Variants in LARGE1 observed in about 807,000 individuals in gnomAD.
LARGE1 encodes xylosyl- and glucuronyltransferase LARGE1.
Under a neutral mutation model 87.6 loss-of-function variants are expected in LARGE1, and 43 were observed. That is an observed-to-expected ratio of 0.49 (90% confidence interval 0.38 to 0.63). The LOEUF (loss-of-function observed/expected upper bound fraction) is 0.63. LARGE1 is among the 30% of genes least tolerant of loss of function. The pLI is 0.00. For missense variants in LARGE1, 802 were observed against 1,000.2 expected, an observed-to-expected ratio of 0.80 and a Z score of 2.67; for synonymous variants, 434 against 394.6, an observed-to-expected ratio of 1.10 and a Z score of -1.18.
At chr22:33,778,897 C>T (rs62225422) in intron 1 of LARGE1, among the ~76,000 whole-genome samples, 12,242 of 152,148 alleles carry the variant, frequency 0.08, 561 homozygotes, top group Admixed American at 0.11. Context: ...GTGATCCACC[C>T]GCCTTGGCCT....
chr22:33,669,673 G>A (rs1244573703), intron 2 of LARGE1, among the ~76,000 whole-genome samples: 4 of 152,196 alleles, frequency 2.6e-5, no homozygotes, highest in Admixed American at 6.5e-5. Flanking sequence ...CCCTGTGACT[G>A]GAGCTGCGCC....
chr22:33,765,810 C>T (rs1210120528), intron 1 of LARGE1, among the ~76,000 whole-genome samples: 2 of 145,172 alleles, frequency 1.4e-5, no homozygotes, highest in South Asian at 4.5e-4. Flanking sequence ...ATTCAAATAA[C>T]ACTGGGAAAA....
At chr22:33,580,908 T>C (rs1264021062) in intron 5 of LARGE1, among the ~76,000 whole-genome samples, 1 of 152,104 alleles carries the variant, frequency 6.6e-6, no homozygotes, top group Admixed American at 6.5e-5. Context: ...GTTAGATGAG[T>C]TTTTAGCCAA....
In LARGE1 at chr22:33,437,961, C is replaced by T. The variant is rs144116529; in HGVS notation, c.788-5696G>A. On this transcript the variant is annotated intron_variant, in intron 6 of 14. Transcript: ENST00000397394. ...ACAAGTTGGATGTCTCCCTTCCCAC[C>T]GAGTCACCTACCACATCCCTTCCAG... Among the ~76,000 whole-genome samples, 435 of 152,136 alleles carry T rather than the reference C, an allele frequency of 2.9e-3. 1 individual carries two copies. Among genetic ancestry groups the T allele is most frequent in the Non-Finnish European group, 5.2e-3 (351 of 68,002 alleles).
At chr22:33,555,909 GGAGA>G in intron 6 of LARGE1, among the ~76,000 whole-genome samples, 1 of 147,864 alleles carries the variant, frequency 6.8e-6, no homozygotes, top group South Asian at 2.2e-4. Flanking sequence ...TAGAGTGGGT[GGAGA>G]GAGAGAGACT....
the LARGE1 span, among the ~76,000 whole-genome samples, chr22:33,070,287 T>C: frequency 6.6e-6 from 1 of 152,210 alleles, no homozygotes; most frequent in South Asian, 2.1e-4. Flanking sequence ...ATTTGTTTAA[T>C]ATACATATAT....
chr22:33,483,321 C>T (rs1293890409), intron 6 of LARGE1, among the ~76,000 whole-genome samples: 1 of 152,154 alleles, frequency 6.6e-6, no homozygotes, highest in African/African-American at 2.4e-5. Flanking sequence ...TCCAGAGCCA[C>T]TCTGGAGATC....
chr22:33,816,669 T>TGGAG (rs1556115530), intron 1 of LARGE1, among the ~76,000 whole-genome samples: 1 of 83,344 alleles, frequency 1.2e-5, no homozygotes. Context: ...GATGCACGGA[T>TGGAG]GGATGGATAG....
intron 5 of LARGE1, among the ~76,000 whole-genome samples, chr22:33,587,214 T>C (rs561345173): frequency 5.9e-5 from 9 of 152,350 alleles, no homozygotes; most frequent in African/African-American, 2.2e-4. Context: ...TTAGGTTGTG[T>C]CTAAGATTTA....
At chr22:33,659,138 C>T (rs904997580) in intron 2 of LARGE1, among the ~76,000 whole-genome samples, 3 of 152,212 alleles carry the variant, frequency 2.0e-5, no homozygotes, top group Admixed American at 6.5e-5. Context: ...CCTGACTATC[C>T]AGCTTCTCCG....
chr22:33,612,956 T>C (rs1017096031), intron 4 of LARGE1, among the ~76,000 whole-genome samples: 2 of 152,236 alleles, frequency 1.3e-5, no homozygotes, highest in African/African-American at 4.8e-5. Context: ...ATTTAAAGCT[T>C]CTGTCCAGAA....
intron 11 of LARGE1, among the ~76,000 whole-genome samples, chr22:33,222,816 A>G (rs185888288): frequency 6.6e-6 from 1 of 152,236 alleles, no homozygotes; most frequent in East Asian, 1.9e-4. Context: ...TTTTTTGGCA[A>G]TTTGTTACCG....
chr22:33,400,745 G>A (rs1399746112), intron 7 of LARGE1, among the ~76,000 whole-genome samples: 6 of 152,190 alleles, frequency 3.9e-5, no homozygotes, highest in Non-Finnish European at 7.4e-5. Context: ...CTGCATGGAA[G>A]GGCACAACTG....
chr22:33,766,919 T>A (rs866571577), intron 1 of LARGE1, among the ~76,000 whole-genome samples: 1 of 4,076 alleles, frequency 2.5e-4, no homozygotes, highest in Non-Finnish European at 4.2e-4. Flanking sequence ...TATACATATA[T>A]ATATATATAT....
chr22:33,190,629 C>A (rs1235133194), intron 11 of LARGE1, among the ~76,000 whole-genome samples: 3 of 152,052 alleles, frequency 2.0e-5, no homozygotes, highest in Non-Finnish European at 4.4e-5. Flanking sequence ...TCCTTGAAGA[C>A]AATGGGCTAG....
chr22:33,242,311 C>A (rs905715001), intron 11 of LARGE1, among the ~76,000 whole-genome samples: 2 of 151,992 alleles, frequency 1.3e-5, no homozygotes, highest in Non-Finnish European at 2.9e-5. Flanking sequence ...TAAAAATATC[C>A]CTTAACCAAA....
At chr22:33,843,599 T>C (rs1052678531) in intron 1 of LARGE1, among the ~76,000 whole-genome samples, 2 of 151,784 alleles carry the variant, frequency 1.3e-5, no homozygotes, top group African/African-American at 2.4e-5. Flanking sequence ...ACCACCATCC[T>C]CTCCAGAGGT....
At chr22:33,727,588 G>C (rs1038086174) in intron 2 of LARGE1, 5 of 152,184 alleles carry the variant, frequency 3.3e-5, no homozygotes, top group African/African-American at 1.2e-4. Flanking sequence ...TTAAGAGGAA[G>C]GTGATCTAGC....
intron 2 of LARGE1, among the ~76,000 whole-genome samples, chr22:33,753,561 T>C (rs2084399952): frequency 6.6e-6 from 1 of 152,014 alleles, no homozygotes; most frequent in African/African-American, 2.4e-5. Flanking sequence ...AGCCACTAAG[T>C]TTGTGGTGGT....
Sources: gnomAD v4.1 joint callset for allele counts (sites outside exome capture counted in the v4.1 genomes callset) on GRCh38, gnomAD v4.1.1 for gene constraint, MANE v1.5 for transcripts, NCBI Gene and HGNC (gene_info 2026-07-23, HGNC 2026-07-21) for gene names.